Variants in C1orf21 observed in about 807,000 individuals in gnomAD.
C1orf21 encodes uncharacterized protein C1orf21.
In C1orf21, 3 loss-of-function variants were observed where a neutral mutation model predicts 18.7. The ratio of observed to expected loss-of-function variants is 0.16; its 90% CI spans 0.07 to 0.42. The LOEUF is 0.42. Ranked by LOEUF, C1orf21 falls within the 10% of genes least tolerant of loss-of-function variation. The probability of loss-of-function intolerance (pLI) is 0.99; values close to 1 mark genes in which losing one functional copy is unlikely to be tolerated. For missense variants in C1orf21, 104 were observed against 143.6 expected (o/e 0.72, Z 1.41); for synonymous variants, 41 against 46.4 (o/e 0.88, Z 0.47).
intron 1 of C1orf21, among the ~76,000 whole-genome samples, chr1:184,427,937 C>A (rs76004826): frequency 0.022 from 3,387 of 152,226 alleles, 124 homozygotes; most frequent in African/African-American, 0.077. Context: ...CTTATGTCCA[C>A]TGGACTCCAG....
At chr1:184,557,464 T>C (rs1256244913) in intron 3 of C1orf21, among the ~76,000 whole-genome samples, 2 of 152,200 alleles carry the variant, frequency 1.3e-5, no homozygotes, top group Non-Finnish European at 2.9e-5. Context: ...TGCATCCTCA[T>C]AGCTTAGCTC....
chr1:184,556,681 G>A (rs1472855217), intron 3 of C1orf21, among the ~76,000 whole-genome samples: 3 of 152,160 alleles, frequency 2.0e-5, no homozygotes, highest in African/African-American at 7.2e-5. Flanking sequence ...ATGAAGGAAG[G>A]GGAAACAGAA....
At chr1:184,552,786 A>T (rs754793425) in intron 3 of C1orf21, among the ~76,000 whole-genome samples, 4 of 152,208 alleles carry the variant, frequency 2.6e-5, no homozygotes, top group Admixed American at 6.5e-5. Flanking sequence ...CATAGGAAAC[A>T]TTCCAAATTT....
intron 2 of C1orf21, among the ~76,000 whole-genome samples, chr1:184,493,740 C>T (rs1287959934): frequency 6.6e-6 from 1 of 152,144 alleles, no homozygotes; most frequent in Non-Finnish European, 1.5e-5. Flanking sequence ...GTCTTCATTG[C>T]CTTCTGTCAC....
At chr1:184,404,605 C>T (rs1656216644) in intron 1 of C1orf21, among the ~76,000 whole-genome samples, 2 of 152,138 alleles carry the variant, frequency 1.3e-5, no homozygotes, top group Admixed American at 1.3e-4. Flanking sequence ...AAACTCTTGC[C>T]TCTTAATACA....
intron 3 of C1orf21, among the ~76,000 whole-genome samples, chr1:184,582,574 G>GTAA (rs1373514317): frequency 1.1e-4 from 17 of 152,292 alleles, no homozygotes; most frequent in African/African-American, 4.1e-4. Flanking sequence ...AGATTTCTCT[G>GTAA]TAAGACAGAC....
chr1:184,598,376 C>T, intron 4 of C1orf21, 25 bp from the exon 5 acceptor site: 12 of 1,608,414 alleles, frequency 7.5e-6, no homozygotes, highest in Admixed American at 1.7e-5. Context: ...CTAAAATATG[C>T]ACTTAACTAC....
chr1:184,490,788 A>G (rs1486600036), intron 2 of C1orf21, among the ~76,000 whole-genome samples: 3 of 152,172 alleles, frequency 2.0e-5, no homozygotes, highest in African/African-American at 7.2e-5. Flanking sequence ...TAATGCCAGA[A>G]CATGGCCTTA....
intron 3 of C1orf21, among the ~76,000 whole-genome samples, chr1:184,548,402 G>T (rs1049378818): frequency 6.8e-6 from 1 of 146,700 alleles, no homozygotes; most frequent in African/African-American, 2.5e-5. Flanking sequence ...TATACCCATT[G>T]CAGACTCTTT....
intron 4 of C1orf21, among the ~76,000 whole-genome samples, chr1:184,595,512 T>G (rs551728060): frequency 6.6e-6 from 1 of 152,302 alleles, no homozygotes; most frequent in African/African-American, 2.4e-5. Flanking sequence ...GACCCATGTT[T>G]ATCTAGACAG....
chr1:184,572,314 A>G (rs1335628049), intron 3 of C1orf21, among the ~76,000 whole-genome samples: 2 of 152,172 alleles, frequency 1.3e-5, no homozygotes, highest in Non-Finnish European at 1.5e-5. Flanking sequence ...TCTACAACAT[A>G]CAATTATTTG....
rs190923297 is a variant in C1orf21, at chr1:184,607,758, C to T, written c.327+9297C>T. Among the ~76,000 whole-genome samples, 2 of 146,334 alleles carry T rather than the reference C, an allele frequency of 1.4e-5. 1 individual carries two copies. Among genetic ancestry groups the T allele is most frequent in the Admixed American group, 1.4e-4 (2 of 14,544 alleles). ...ATATATATGTGTGTGTATATATATA[C>T]ATATATAGAGAGAAAGAGTCACAAT... On this transcript the variant is annotated intron_variant, in intron 5 of 5. Transcript: ENST00000235307.
intron 1 of C1orf21, among the ~76,000 whole-genome samples, chr1:184,464,135 T>A (rs1175095348): frequency 6.6e-6 from 1 of 152,158 alleles, no homozygotes; most frequent in African/African-American, 2.4e-5. Flanking sequence ...TGAGAAGGAG[T>A]TAAAACTTTC....
intron 3 of C1orf21, among the ~76,000 whole-genome samples, chr1:184,528,339 C>G (rs544138733): frequency 6.6e-6 from 1 of 152,370 alleles, no homozygotes; most frequent in Non-Finnish European, 1.5e-5. Context: ...TGCTTTCCAT[C>G]TTTGCCCAGG....
rs181034612 is a variant in C1orf21 at position 184,398,268 on chromosome 1, A to G, written c.-125+10900A>G. On this transcript the variant is annotated intron_variant, in intron 1 of 5. Transcript: ENST00000235307. The stretch of plus-strand genomic sequence containing the variant: ...TTCCTTTAATGCTTGCAGCAACTCT[A>G]TGAGGAACCCACTACTGTTACCTCT... Among the ~76,000 whole-genome samples the G allele has an allele frequency of 3.3e-5, 5 of 152,316 alleles. No homozygotes were observed. In the East Asian group the frequency reaches 9.6e-4, roughly 29 times the overall value.
At chr1:184,440,986 A>G (rs747372776) in intron 1 of C1orf21, among the ~76,000 whole-genome samples, 1 of 152,172 alleles carries the variant, frequency 6.6e-6, no homozygotes, top group Non-Finnish European at 1.5e-5. Context: ...ATCCTATTTG[A>G]TGTTTTTTGT....
At chr1:184,406,912 G>A (rs1359603372) in intron 1 of C1orf21, among the ~76,000 whole-genome samples, 2 of 152,056 alleles carry the variant, frequency 1.3e-5, no homozygotes. Flanking sequence ...TCTTGCCTCG[G>A]CCTACCAAAA....
rs766517885 is a variant in C1orf21, at chr1:184,468,470, C to T, written c.-124-8916C>T. 8.5e-5 allele frequency among the ~76,000 whole-genome samples: 13 copies of T among 152,132 alleles called. 1 individual carries two copies. Among genetic ancestry groups the T allele is most frequent in the Admixed American group, 2.0e-4 (3 of 15,278 alleles). On this transcript the variant is annotated intron_variant, in intron 1 of 5. Transcript: ENST00000235307. ...ATATGTATGTAAATTTTAAGGGAAA[C>T]AGTTTTTCAATTTGTAGGATTCAGA...
intron 5 of C1orf21, among the ~76,000 whole-genome samples, chr1:184,603,546 A>T (rs1004262160): frequency 6.6e-6 from 1 of 152,318 alleles, no homozygotes; most frequent in Admixed American, 6.5e-5. Flanking sequence ...TATAATCCCA[A>T]CACTTTGGGA....
Sources: gnomAD v4.1 joint callset for allele counts (sites outside exome capture counted in the v4.1 genomes callset) on GRCh38, gnomAD v4.1.1 for gene constraint, MANE v1.5 for transcripts, NCBI Gene and HGNC (gene_info 2026-07-23, HGNC 2026-07-21) for gene names.